Variants in SHTN1 observed in about 807,000 individuals in gnomAD.
SHTN1 encodes shootin-1.
Under a neutral mutation model 83.1 loss-of-function variants are expected in SHTN1, and 42 were observed. That is an observed-to-expected ratio of 0.51 (90% confidence interval 0.39 to 0.65). The LOEUF (loss-of-function observed/expected upper bound fraction) is 0.65, where lower values mean the gene tolerates loss of function less well. Ranked by LOEUF, SHTN1 falls within the 30% of genes least tolerant of loss-of-function variation. SHTN1 has a pLI of 0.00. For synonymous variants in SHTN1, 224 were observed against 247.7 expected (o/e 0.90, Z 0.90); for missense variants, 622 against 737.8 (o/e 0.84, Z 1.82).
chr10:117,001,737 C>G (rs1035722473), intron 1 of SHTN1, among the ~76,000 whole-genome samples: 2 of 152,108 alleles, frequency 1.3e-5, no homozygotes, highest in Non-Finnish European at 2.9e-5. Flanking sequence ...GAAGAGAGGA[C>G]TTGAAATGTT....
intron 16 of SHTN1, among the ~76,000 whole-genome samples, chr10:116,894,957 T>C (rs1589781210): frequency 6.6e-6 from 1 of 152,190 alleles, no homozygotes. Context: ...GGCCCACATA[T>C]CCTGCCTCTC....
intron 2 of SHTN1, among the ~76,000 whole-genome samples, chr10:117,020,968 TA>T (rs200409230): frequency 5.3e-5 from 8 of 150,616 alleles, no homozygotes; most frequent in Middle Eastern, 3.4e-3. Flanking sequence ...ACTCAGTAAT[TA>T]AAAAAAAACC....
At chr10:116,939,788 C>T (rs1422448121) in intron 9 of SHTN1, among the ~76,000 whole-genome samples, 5 of 152,194 alleles carry the variant, frequency 3.3e-5, no homozygotes, top group Non-Finnish European at 5.9e-5. Flanking sequence ...AAATGAGGTA[C>T]ATTATAAGTA....
intron 1 of SHTN1, among the ~76,000 whole-genome samples, chr10:116,985,991 T>C (rs1179928737): frequency 2.6e-5 from 4 of 152,310 alleles, no homozygotes; most frequent in Admixed American, 2.0e-4. Context: ...TTTCATATCC[T>C]GAAAAGAAAT....
intron 16 of SHTN1, among the ~76,000 whole-genome samples, chr10:116,891,058 A>G (rs1382891621): frequency 2.6e-5 from 4 of 152,254 alleles, no homozygotes; most frequent in South Asian, 2.1e-4. Flanking sequence ...TCTGAGCTCA[A>G]TTGAATACAA....
chr10:117,054,833 A>G (rs1214303359), intron 1 of SHTN1, among the ~76,000 whole-genome samples: 1 of 152,096 alleles, frequency 6.6e-6, no homozygotes, highest in Non-Finnish European at 1.5e-5. Flanking sequence ...CCGCTTCAAG[A>G]TATCCCACCT....
chr10:117,084,096 G>A (rs1367839266), intron 1 of SHTN1, among the ~76,000 whole-genome samples: 3 of 152,128 alleles, frequency 2.0e-5, no homozygotes, highest in Non-Finnish European at 2.9e-5. Flanking sequence ...GAGGAGCTGC[G>A]TTCCTTTGGA....
At chr10:117,084,578 C>T (rs1191929666) in intron 1 of SHTN1, among the ~76,000 whole-genome samples, 1 of 152,222 alleles carries the variant, frequency 6.6e-6, no homozygotes, top group Non-Finnish European at 1.5e-5. Flanking sequence ...GTTCGAGCTT[C>T]CCGGCTGCTT....
At chr10:116,968,810 GAAAAC>G (rs2133458042) in intron 2 of SHTN1, 98 bp from the exon 3 acceptor site, 3 of 900,024 alleles carry the variant, frequency 3.3e-6, no homozygotes, top group South Asian at 1.5e-5. Context: ...GCAATTTTCT[GAAAAC>G]AAAACAAAAT....
rs75674107 is a variant in SHTN1, at chr10:116,890,721, G to C, written c.1674-4155C>G. Among the ~76,000 whole-genome samples the C allele has an allele frequency of 3.9e-3, 594 of 152,316 alleles. 2 individuals are homozygous for C. The highest frequency in any genetic ancestry group is 4.4e-3 in the Non-Finnish European group (302 of 68,026). Reference sequence around the variant, plus strand: ...CAGCTATTGTGCCCCTACTGCAAGAGAGCCCAAACGTGGGGCCTGAGCAGG... The same window carrying C: ...CAGCTATTGTGCCCCTACTGCAAGACAGCCCAAACGTGGGGCCTGAGCAGG... On this transcript the variant is annotated intron_variant, in intron 16 of 16. Coordinates refer to ENST00000355371, the MANE Select transcript of SHTN1 (RefSeq NM_001127211.3).
intron 12 of SHTN1, among the ~76,000 whole-genome samples, chr10:116,916,422 C>T (rs896653612): frequency 6.6e-6 from 1 of 152,150 alleles, no homozygotes; most frequent in African/African-American, 2.4e-5. Context: ...TAAGGACCTT[C>T]CAATTACCAT....
chr10:116,973,778 G>T, intron 2 of SHTN1: 1 of 909,712 alleles, frequency 1.1e-6, no homozygotes, highest in Non-Finnish European at 1.5e-6. Context: ...TTTTCTTGAA[G>T]TTCATTAATG....
At chr10:117,020,656 A>C (rs546888797) in intron 2 of SHTN1, among the ~76,000 whole-genome samples, 1 of 152,126 alleles carries the variant, frequency 6.6e-6, no homozygotes, top group Non-Finnish European at 1.5e-5. Context: ...ATTAAAAAAA[A>C]AACTAATTCA....
intron 2 of SHTN1, among the ~76,000 whole-genome samples, chr10:117,045,901 T>C (rs1022566260): frequency 1.3e-5 from 2 of 151,886 alleles, no homozygotes; most frequent in Admixed American, 6.6e-5. Context: ...CAATAACAGA[T>C]GGGTAAGGTA....
chr10:116,942,200 A>C (rs1849398577), intron 8 of SHTN1, among the ~76,000 whole-genome samples: 1 of 146,542 alleles, frequency 6.8e-6, no homozygotes, highest in Non-Finnish European at 1.5e-5. Context: ...TTGGGTGACC[A>C]TTATGATTAC....
intron 4 of SHTN1, among the ~76,000 whole-genome samples, chr10:116,954,542 C>CA (rs1156463745): frequency 6.6e-6 from 1 of 152,114 alleles, no homozygotes; most frequent in Non-Finnish European, 1.5e-5. Context: ...TTATTTCAAG[C>CA]AAATCTTCTG....
At chr10:117,114,186 G>A (rs1853810519) in intron 1 of SHTN1, among the ~76,000 whole-genome samples, 1 of 152,218 alleles carries the variant, frequency 6.6e-6, no homozygotes, top group African/African-American at 2.4e-5. Context: ...TCCAGTCTGG[G>A]TGATAGAGTG....
chr10:117,003,674 A>T (rs894246770), intron 1 of SHTN1, among the ~76,000 whole-genome samples: 1 of 151,992 alleles, frequency 6.6e-6, no homozygotes, highest in Non-Finnish European at 1.5e-5. Flanking sequence ...ATTGACCAGA[A>T]GATCCACGGA....
In SHTN1 at chr10:116,882,200, C is replaced by T. The variant is rs926525693; in HGVS notation, c.*4144G>A. The T allele has an allele frequency of 6.6e-6, 1 of 151,982 alleles. No homozygotes were observed. Among genetic ancestry groups the T allele is most frequent in the Admixed American group, 6.5e-5 (1 of 15,274 alleles). The allele number at this position is 151,982 out of a possible 1,614,324, so 9.4% of individuals were successfully genotyped here. A position where few individuals can be genotyped will look rare whatever the true frequency, so the allele number is the denominator to read the frequency against. ...CATCTCACTTTCCTACCCTTGATTC[C>T]TTTTTTCCTAATTCCCTCTCCTTTT... On this transcript the variant is annotated 3_prime_UTR_variant, in exon 17 of 17. Transcript: ENST00000355371.
Sources: allele counts gnomAD v4.1 joint callset (sites outside exome capture counted in the v4.1 genomes callset), GRCh38; gene constraint gnomAD v4.1.1; transcripts MANE v1.5; gene names NCBI Gene and HGNC (gene_info 2026-07-23, HGNC 2026-07-21).